The following CDH10 variants were observed in gnomAD, a reference collection of about 807,000 sequenced individuals.
The protein encoded by CDH10 is cadherin 10.
A neutral mutation model predicts 73.1 loss-of-function variants in CDH10; 30 were observed. The observed-to-expected ratio is 0.41, with a 90% confidence interval of 0.31 to 0.56. CDH10 has a LOEUF of 0.56. Ranked by LOEUF, CDH10 falls within the 20% of genes least tolerant of loss-of-function variation. The pLI is 0.27. For missense variants in CDH10, 815 were observed against 973.7 expected (o/e 0.84, Z 2.17); for synonymous variants, 345 against 348.2 (o/e 0.99, Z 0.10).
At chr5:24,512,312 T>C (rs781391173) in intron 5 of CDH10, among the ~76,000 whole-genome samples, 19 of 152,212 alleles carry the variant, frequency 1.2e-4, no homozygotes, top group Non-Finnish European at 2.6e-4. Context: ...CAAGCGTGTA[T>C]TTTTTCATTG....
At chr5:24,587,044 T>G (rs1020121509) in intron 2 of CDH10, among the ~76,000 whole-genome samples, 1 of 150,758 alleles carries the variant, frequency 6.6e-6, no homozygotes, top group African/African-American at 2.4e-5. Context: ...CGGGGTTTCA[T>G]CGTGTTAGCC....
At chr5:24,542,750 G>A (rs1181132121) in intron 2 of CDH10, among the ~76,000 whole-genome samples, 2 of 152,154 alleles carry the variant, frequency 1.3e-5, no homozygotes, top group East Asian at 3.9e-4. Context: ...GTCTGGTAAG[G>A]GCCCTCTTTC....
intron 5 of CDH10, among the ~76,000 whole-genome samples, chr5:24,534,611 A>G (rs951647223): frequency 2.0e-5 from 3 of 152,106 alleles, no homozygotes; most frequent in African/African-American, 7.2e-5. Flanking sequence ...ACACATAATA[A>G]CATTAAATGC....
intron 2 of CDH10, among the ~76,000 whole-genome samples, chr5:24,550,345 C>T (rs1744500536): frequency 6.6e-6 from 1 of 152,032 alleles, no homozygotes; most frequent in Admixed American, 6.6e-5. Flanking sequence ...CCTTCACCCA[C>T]CATCAACATC....
rs1001227038 is a variant in CDH10 at position 24,586,843 on chromosome 5, C to CTTTTTTTTTTTTTTTTTTTTTTTTTTT, written c.231+6416_231+6417insAAAAAAAAAAAAAAAAAAAAAAAAAAA. On this transcript the variant is annotated intron_variant, in intron 2 of 11. Coordinates refer to ENST00000264463, the MANE Select transcript of CDH10 (RefSeq NM_006727.5). ...GTAAAACAATAAGATAGCCCATATTCTTTTTTTTTTTTTTTTTTTGAGCCG... is the reference window on the plus strand; with the variant it reads ...GTAAAACAATAAGATAGCCCATATTCTTTTTTTTTTTTTTTTTTTTTTTTTTTTTTTTTTTTTTTTTTTTTTGAGCCG... Among the ~76,000 whole-genome samples the CTTTTTTTTTTTTTTTTTTTTTTTTTTT allele has an allele frequency of 1.2e-4, 12 of 102,758 alleles. 1 individual carries two copies. The highest frequency in any genetic ancestry group is 2.5e-4 in the African/African-American group (6 of 23,782). 67.4% of individuals were successfully genotyped at this position (102,758 alleles called of 152,430 possible). A position where few individuals can be genotyped will look rare whatever the true frequency, so the allele number is the denominator to read the frequency against.
At chr5:24,642,774 T>TC (rs1170810983) in intron 1 of CDH10, among the ~76,000 whole-genome samples, 1 of 152,120 alleles carries the variant, frequency 6.6e-6, no homozygotes, top group African/African-American at 2.4e-5. Flanking sequence ...CCTTCTTTTT[T>TC]CCCATTTCCC....
intron 5 of CDH10, among the ~76,000 whole-genome samples, chr5:24,525,967 T>C (rs1037019789): frequency 6.6e-6 from 1 of 152,010 alleles, no homozygotes; most frequent in Non-Finnish European, 1.5e-5. Flanking sequence ...GTAGAAACAA[T>C]AAAAGCATAT....
chr5:24,491,841 T>G lies in CDH10; in HGVS notation c.1625-14A>C. The G allele has an allele frequency of 3.2e-6, 5 of 1,553,332 alleles. No homozygotes were observed. The highest frequency in any genetic ancestry group is 4.4e-6 in the Non-Finnish European group (5 of 1,129,858). ...TGGCAGTATTATCTAAAACAAATTTTAAAATATTACAAATGGTTTGGGATA... is the reference window on the plus strand; with the variant it reads ...TGGCAGTATTATCTAAAACAAATTTGAAAATATTACAAATGGTTTGGGATA... On this transcript the variant is annotated splice_polypyrimidine_tract_variant and intron_variant, in intron 10 of 11. Transcript: ENST00000264463.
At chr5:24,549,109 A>T (rs1355265988) in intron 2 of CDH10, among the ~76,000 whole-genome samples, 1 of 152,166 alleles carries the variant, frequency 6.6e-6, no homozygotes, top group Non-Finnish European at 1.5e-5. Context: ...GCCAAAACAA[A>T]AATTCCCAGG....
intron 2 of CDH10, among the ~76,000 whole-genome samples, chr5:24,584,377 T>C (rs1280303274): frequency 6.6e-6 from 1 of 151,838 alleles, no homozygotes; most frequent in Non-Finnish European, 1.5e-5. Context: ...TTAATAGTTA[T>C]ATTTAATTAC....
chr5:24,639,297 G>C (rs1424058312), intron 1 of CDH10, among the ~76,000 whole-genome samples: 4 of 151,614 alleles, frequency 2.6e-5, no homozygotes, highest in Non-Finnish European at 5.9e-5. Context: ...TTTATTGAGA[G>C]TGGAGCTATA....
rs928939235 is a variant in CDH10, at chr5:24,488,013, C to T, written c.2017G>A (p.Gly673Ser). 1 of 1,613,790 alleles carries T rather than the reference C, an allele frequency of 6.2e-7. No homozygotes were observed. The highest frequency in any genetic ancestry group is 8.5e-7 in the Non-Finnish European group (1 of 1,179,914). ...GEEDTQAFDI[G>S]TLRNPAAIEE... Reference sequence around the variant, plus strand: ...ATGGCTGCAGGATTCCTCAGGGTGCCGATATCAAAGGCCTGGGTGTCCTCC... The same window carrying T: ...ATGGCTGCAGGATTCCTCAGGGTGCTGATATCAAAGGCCTGGGTGTCCTCC... Residue 673 changes from glycine (G) to serine (S), a missense_variant, in exon 12 of 12, where the codon GGC becomes AGC. Transcript: ENST00000264463.
intron 5 of CDH10, among the ~76,000 whole-genome samples, chr5:24,528,139 T>A (rs955351827): frequency 6.6e-6 from 1 of 151,872 alleles, no homozygotes; most frequent in Non-Finnish European, 1.5e-5. Flanking sequence ...TGAGGATATT[T>A]TGGTGGTCAC....
rs1219809807 is a variant in CDH10 at position 24,537,667 on chromosome 5, G to A, written c.239C>T (p.Ser80Leu). 5.7e-6 allele frequency: 9 copies of A among 1,581,928 alleles called. No homozygotes were observed. Among genetic ancestry groups the A allele is most frequent in the Non-Finnish European group, 7.8e-6 (9 of 1,155,524 alleles). Residue 80 changes from serine (S) to leucine (L), a missense_variant, in exon 3 of 12, where the codon TCA becomes TTA. Transcript: ENST00000264463. ...TGATCCATCTCCTTTATCTTGGTCT[G>A]AATGTAGCTAGGGGAAATAAAAAAG... ...SDYQYVGKLHSDQDKGDGSLK... is the reference protein window; with the variant it reads ...SDYQYVGKLHLDQDKGDGSLK...
intron 8 of CDH10, among the ~76,000 whole-genome samples, chr5:24,500,529 G>A (rs1039131774): frequency 2.6e-5 from 4 of 152,124 alleles, no homozygotes; most frequent in African/African-American, 7.2e-5. Context: ...CAGGCCCTGG[G>A]GTCTAACATA....
chr5:24,501,516 A>G (rs937703863), intron 8 of CDH10, among the ~76,000 whole-genome samples: 4 of 152,198 alleles, frequency 2.6e-5, no homozygotes, highest in African/African-American at 4.8e-5. Flanking sequence ...GTTTCTCTCA[A>G]AGTTCTTCAG....
rs1209325032 is a variant in CDH10, at chr5:24,644,854, G to A, written c.-384C>T. On this transcript the variant is annotated 5_prime_UTR_variant, in exon 1 of 12. Transcript: ENST00000264463. Reference sequence around the variant, plus strand: ...GAAAGGAAAAAAAAAAAAAAGGAAAGGGGGGAAAAAAGCTCTTCCTCACAC... The same window carrying A: ...GAAAGGAAAAAAAAAAAAAAGGAAAAGGGGGAAAAAAGCTCTTCCTCACAC... 6.6e-6 allele frequency: 1 copy of A among 150,808 alleles called. No homozygotes were observed. The highest frequency in any genetic ancestry group is 2.4e-5 in the African/African-American group (1 of 41,150). 9.3% of individuals were successfully genotyped at this position (150,808 alleles called of 1,614,324 possible). A position where few individuals can be genotyped will look rare whatever the true frequency, so the allele number is the denominator to read the frequency against.
intron 2 of CDH10, among the ~76,000 whole-genome samples, chr5:24,580,085 A>G (rs1267574525): frequency 1.3e-5 from 2 of 152,138 alleles, no homozygotes; most frequent in African/African-American, 4.8e-5. Context: ...CTCCATATAT[A>G]ATACTTGAGA....
intron 2 of CDH10, among the ~76,000 whole-genome samples, chr5:24,549,190 A>G (rs1196365657): frequency 3.9e-5 from 6 of 152,202 alleles, no homozygotes. Flanking sequence ...CGAAAATTAC[A>G]TAAGGTCACT....
Sources: allele counts gnomAD v4.1 joint callset (sites outside exome capture counted in the v4.1 genomes callset), GRCh38; gene constraint gnomAD v4.1.1; transcripts MANE v1.5; gene names NCBI Gene and HGNC (gene_info 2026-07-23, HGNC 2026-07-21).